Variants in MYO1D observed in about 807,000 individuals in gnomAD.
The protein encoded by MYO1D is unconventional myosin-Id.
MYO1D carries 83 observed loss-of-function variants against 122.0 expected under a neutral mutation model. That is an observed-to-expected ratio of 0.68 (90% confidence interval 0.57 to 0.82). The LOEUF (loss-of-function observed/expected upper bound fraction) is 0.82. Ranked by LOEUF, MYO1D falls within the 40% of genes least tolerant of loss-of-function variation. MYO1D has a pLI of 0.00. For missense variants in MYO1D, 1,157 were observed against 1,269.5 expected (o/e 0.91, Z 1.35); for synonymous variants, 464 against 446.9 (o/e 1.04, Z -0.48).
At chr17:32,870,962 TTC>T (rs1194962257) in intron 1 of MYO1D, among the ~76,000 whole-genome samples, 1 of 152,232 alleles carries the variant, frequency 6.6e-6, no homozygotes, top group Non-Finnish European at 1.5e-5. Flanking sequence ...ATATGATAAA[TTC>T]TCTGTTATGA....
At chr17:32,649,555 TTTTC>T (rs1035891066) in intron 19 of MYO1D, among the ~76,000 whole-genome samples, 10 of 147,708 alleles carry the variant, frequency 6.8e-5, no homozygotes, top group South Asian at 2.2e-4. Flanking sequence ...CTAAACCACA[TTTTC>T]TTTCTTTCTT....
At chr17:32,866,768 CA>C (rs2091128947) in intron 1 of MYO1D, among the ~76,000 whole-genome samples, 1 of 152,150 alleles carries the variant, frequency 6.6e-6, no homozygotes, top group Non-Finnish European at 1.5e-5. Context: ...GCAGCACAGC[CA>C]GCCCACGCAT....
intron 21 of MYO1D, among the ~76,000 whole-genome samples, chr17:32,538,021 A>G (rs1468743620): frequency 1.3e-5 from 2 of 152,148 alleles, no homozygotes; most frequent in African/African-American, 4.8e-5. Context: ...ACTGTTTCTA[A>G]GGCCCCATTT....
intron 16 of MYO1D, among the ~76,000 whole-genome samples, chr17:32,691,513 TCTCCTGCCTCAGCCTCC>T (rs1178315809): frequency 6.6e-6 from 1 of 151,514 alleles, no homozygotes; most frequent in African/African-American, 2.4e-5. Flanking sequence ...TTCAAGCGAT[TCTCCTGCCTCAGCCTCC>T]CGAGTTGCTG....
At chr17:32,665,986 A>T (rs2088631173) in intron 16 of MYO1D, among the ~76,000 whole-genome samples, 1 of 152,128 alleles carries the variant, frequency 6.6e-6, no homozygotes, top group African/African-American at 2.4e-5. Context: ...TCAATATGGT[A>T]CCTGACCCCT....
chr17:32,643,150 C>CA (rs2088229257), intron 19 of MYO1D, among the ~76,000 whole-genome samples: 1 of 152,166 alleles, frequency 6.6e-6, no homozygotes, highest in Admixed American at 6.5e-5. Flanking sequence ...TGAATTTTGT[C>CA]AAAGGCCTTT....
At chr17:32,553,679 T>C (rs1011633213) in intron 21 of MYO1D, among the ~76,000 whole-genome samples, 6 of 152,216 alleles carry the variant, frequency 3.9e-5, no homozygotes, top group African/African-American at 1.4e-4. Context: ...AAGTTCTTCT[T>C]AGTCCTGTTT....
At chr17:32,535,364 C>A (rs779114835) in intron 21 of MYO1D, among the ~76,000 whole-genome samples, 4 of 152,188 alleles carry the variant, frequency 2.6e-5, no homozygotes, top group Non-Finnish European at 4.4e-5. Context: ...CAACGTAAAC[C>A]ATGTAATAAT....
chr17:32,744,199 C>T (rs1279914854), intron 13 of MYO1D, among the ~76,000 whole-genome samples: 3 of 152,140 alleles, frequency 2.0e-5, no homozygotes, highest in African/African-American at 7.2e-5. Flanking sequence ...CTCATTCCCA[C>T]CTTGTGGCCT....
chr17:32,538,465 TA>T lies in MYO1D; in HGVS notation c.2865-43551del, dbSNP rs1379075941. On this transcript the variant is annotated intron_variant, in intron 21 of 21. Coordinates refer to ENST00000318217, the MANE Select transcript of MYO1D (RefSeq NM_015194.3). ...GCACCTGGATAATTATTATTATTAT[TA>T]TTATTTTTTTTTTTGTAGAGATGGG... Among the ~76,000 whole-genome samples, 324 of 129,508 alleles carry T rather than the reference TA, an allele frequency of 2.5e-3. 3 individuals are homozygous for T. Among genetic ancestry groups the T allele is most frequent in the African/African-American group, 6.9e-3 (221 of 31,914 alleles). The allele number at this position is 129,508 out of a possible 152,430, so 85.0% of individuals were successfully genotyped here. A position where few individuals can be genotyped will look rare whatever the true frequency, so the allele number is the denominator to read the frequency against.
chr17:32,509,762 T>A (rs1909623173), intron 21 of MYO1D, among the ~76,000 whole-genome samples: 1 of 152,114 alleles, frequency 6.6e-6, no homozygotes, highest in South Asian at 2.1e-4. Context: ...CTAATTTTTG[T>A]ATTTTTAGTA....
chr17:32,764,332 A>G (rs1478753031), intron 8 of MYO1D, among the ~76,000 whole-genome samples: 1 of 152,194 alleles, frequency 6.6e-6, no homozygotes, highest in Admixed American at 6.5e-5. Context: ...AGACAGGAAG[A>G]ATAATTTGTG....
chr17:32,800,311 A>C (rs1221096490), intron 1 of MYO1D, among the ~76,000 whole-genome samples: 1 of 152,216 alleles, frequency 6.6e-6, no homozygotes, highest in Non-Finnish European at 1.5e-5. Flanking sequence ...AGAGGAATAG[A>C]TTTTTAAAAT....
chr17:32,674,024 A>G (rs571093538), intron 16 of MYO1D, among the ~76,000 whole-genome samples: 30 of 152,366 alleles, frequency 2.0e-4, no homozygotes, highest in African/African-American at 5.8e-4. Context: ...GGAAACAACT[A>G]TGACTAATTC....
At chr17:32,635,833 G>T (rs1299560655) in intron 20 of MYO1D, among the ~76,000 whole-genome samples, 1 of 152,138 alleles carries the variant, frequency 6.6e-6, no homozygotes, top group Non-Finnish European at 1.5e-5. Context: ...AGAGAAGTAT[G>T]GATGCCCTTA....
intron 21 of MYO1D, among the ~76,000 whole-genome samples, chr17:32,590,000 C>T (rs2087424200): frequency 6.6e-6 from 1 of 152,166 alleles, no homozygotes; most frequent in Admixed American, 6.5e-5. Flanking sequence ...CCTCAAGTTC[C>T]CACTTCCCTT....
intron 16 of MYO1D, among the ~76,000 whole-genome samples, chr17:32,662,400 C>G (rs758280833): frequency 6.6e-6 from 1 of 152,166 alleles, no homozygotes; most frequent in Admixed American, 6.5e-5. Flanking sequence ...CAGCGGGACG[C>G]GGTGGCTCAC....
At position 32,643,433 on chromosome 17, in the gene MYO1D, C is replaced by G. The variant is rs574032515; in HGVS notation, c.2596-4598G>C. ...GCTTTGGTATCAGGATGATGCTGGC[C>G]TCATAAAATAAGTTAGGGAGGATTC... On this transcript the variant is annotated intron_variant, in intron 19 of 21. Transcript: ENST00000318217. 3.8e-3 allele frequency among the ~76,000 whole-genome samples: 585 copies of G among 152,256 alleles called. 2 individuals are homozygous for G. The highest frequency in any genetic ancestry group is 0.013 in the African/African-American group (548 of 41,550).
intron 21 of MYO1D, among the ~76,000 whole-genome samples, chr17:32,566,581 A>G (rs1261920450): frequency 2.6e-4 from 40 of 152,114 alleles, no homozygotes; most frequent in Non-Finnish European, 8.8e-5. Flanking sequence ...TTGAGTAGCC[A>G]CTGAAGGAGG....
Sources: allele counts gnomAD v4.1 joint callset (sites outside exome capture counted in the v4.1 genomes callset), GRCh38; gene constraint gnomAD v4.1.1; transcripts MANE v1.5; gene names NCBI Gene and HGNC (gene_info 2026-07-23, HGNC 2026-07-21).